The following CHEK2 variants were observed in gnomAD, a reference collection of about 807,000 sequenced individuals.
The protein encoded by CHEK2 is checkpoint kinase 2.
In CHEK2, 71 loss-of-function variants were observed where a neutral mutation model predicts 69.1. That is an observed-to-expected ratio of 1.03 (90% confidence interval 0.85 to 1.25). The LOEUF is 1.25. CHEK2 is among the 50% of genes most tolerant of loss of function. The probability of loss-of-function intolerance (pLI) is 0.00; values close to 1 mark genes in which losing one functional copy is unlikely to be tolerated. For synonymous variants in CHEK2, 189 were observed against 226.9 expected, an observed-to-expected ratio of 0.83 and a Z score of 1.50; for missense variants, 664 against 649.6, an observed-to-expected ratio of 1.02 and a Z score of -0.24.
At chr22:28,693,052 G>C (rs2052425524) in intron 13 of CHEK2, among the ~76,000 whole-genome samples, 1 of 151,934 alleles carries the variant, frequency 6.6e-6, no homozygotes, top group African/African-American at 2.4e-5. Flanking sequence ...CCCAGTCTTG[G>C]GCAGTTCTTT....
chr22:28,696,738 C>G (rs117188004), intron 10 of CHEK2, among the ~76,000 whole-genome samples, 163 bp downstream of exon 10: 3 of 152,102 alleles, frequency 2.0e-5, no homozygotes, highest in Non-Finnish European at 4.4e-5. Context: ...AATGCTCATT[C>G]GAATCTGGAT....
intron 2 of CHEK2, chr22:28,730,375 G>C (rs1172304252): frequency 5.6e-6 from 3 of 532,698 alleles, no homozygotes; most frequent in Admixed American, 5.8e-5. Context: ...AAAAGGAAAA[G>C]GGAAAGAGAA....
intron 5 of CHEK2, among the ~76,000 whole-genome samples, chr22:28,718,682 G>A (rs1206389043): frequency 6.6e-6 from 1 of 152,008 alleles, no homozygotes; most frequent in African/African-American, 2.4e-5. Context: ...AGGAGTTCAA[G>A]ACCAGCCTGG....
At position 28,735,146 on chromosome 22, in the gene CHEK2, T is replaced by G. The variant is rs144110326; in HGVS notation, c.-6-419A>C. Among the ~76,000 whole-genome samples, 1,134 of 152,076 alleles carry G rather than the reference T, an allele frequency of 7.5e-3. 16 individuals are homozygous for G. Among genetic ancestry groups the G allele is most frequent in the African/African-American group, 0.026 (1,094 of 41,502 alleles). ...CAGGGGGCCAGGCGCGGGGGTTCAC[T>G]CCTGTAGTCCCGCACTTTGGGAGGA... On this transcript the variant is annotated intron_variant, in intron 1 of 14. Transcript: ENST00000404276.
intron 7 of CHEK2, among the ~76,000 whole-genome samples, chr22:28,709,641 C>T (rs2053310425): frequency 1.3e-5 from 2 of 151,666 alleles, no homozygotes; most frequent in Non-Finnish European, 2.9e-5. Flanking sequence ...TTTTCTGAGA[C>T]AGTCTCACTC....
At position 28,694,055 on chromosome 22, in the gene CHEK2, C is replaced by T. The variant is rs773600515; in HGVS notation, c.1438G>A (p.Ala480Thr). 6.3e-6 allele frequency: 10 copies of T among 1,595,940 alleles called. No individual in the cohort carries two copies. The East Asian group carries it at 1.8e-4, about 28-fold the overall frequency. The part of the protein sequence containing the change: ...DPKARFTTEE[A>T]LRHPWLQDED... ...ACCTGAAGCCACGGGTGTCTTAAGGCTTCTTCTGTCGTAAAACGTGCCTTT... is the reference window on the plus strand; with the variant it reads ...ACCTGAAGCCACGGGTGTCTTAAGGTTTCTTCTGTCGTAAAACGTGCCTTT... Residue 480 changes from alanine to threonine, a missense_variant, in exon 13 of 15, where the codon GCC (alanine) becomes ACC (threonine). Coordinates refer to ENST00000404276, the MANE Select transcript of CHEK2 (RefSeq NM_007194.4).
chr22:28,739,687 TCAAA>T (rs938100055), intron 1 of CHEK2, among the ~76,000 whole-genome samples: 7 of 151,630 alleles, frequency 4.6e-5, no homozygotes, highest in South Asian at 2.1e-4. Context: ...AGACTCTGTC[TCAAA>T]CAAACAAACA....
intron 7 of CHEK2, among the ~76,000 whole-genome samples, chr22:28,708,421 C>A (rs1241347117): frequency 2.2e-5 from 3 of 138,536 alleles, no homozygotes; most frequent in Non-Finnish European, 4.8e-5. Flanking sequence ...GACTCCAAAT[C>A]TCTTGGAAAA....
intron 8 of CHEK2, among the ~76,000 whole-genome samples, chr22:28,702,405 A>AT (rs921141513): frequency 1.1e-4 from 17 of 149,616 alleles, no homozygotes; most frequent in Non-Finnish European, 2.4e-4. Flanking sequence ...CACCCAGCTA[A>AT]TTTTTTGTAT....
At chr22:28,718,744 C>T (rs536806137) in intron 5 of CHEK2, among the ~76,000 whole-genome samples, 3 of 151,512 alleles carry the variant, frequency 2.0e-5, no homozygotes, top group African/African-American at 4.8e-5. Context: ...TAGCCAGGCA[C>T]GGTGGTTCAA....
intron 8 of CHEK2, among the ~76,000 whole-genome samples, chr22:28,700,806 T>G (rs932561457): frequency 3.3e-5 from 5 of 151,586 alleles, no homozygotes; most frequent in African/African-American, 9.8e-5. Context: ...TTATTTATTT[T>G]GAGACAGAGT....
Position 28,725,328 on chromosome 22 carries a change from C to G in CHEK2, c.359G>C (p.Ser120Thr). The stretch of plus-strand genomic sequence containing the variant: ...TGGTTCATCAAAGCAATATTCACAG[C>G]TTTTGTCCCTCCCAAACCAGTAGTT... ...NDNYWFGRDK[S>T]CEYCFDEPLL... Residue 120 changes from serine to threonine, a missense_variant, in exon 3 of 15, where the codon AGC (serine) becomes ACC (threonine). By Grantham distance (58) the Ser-to-Thr change is moderately conservative. Coordinates refer to ENST00000404276, the MANE Select transcript of CHEK2 (RefSeq NM_007194.4). The G allele has an allele frequency of 6.2e-7, 1 of 1,614,088 alleles. No homozygotes were observed.
chr22:28,729,263 G>T, intron 2 of CHEK2: 1 of 264,960 alleles, frequency 3.8e-6, no homozygotes, highest in Non-Finnish European at 7.6e-6. Context: ...AACCCAGGAC[G>T]CCAGGCGCGG....
chr22:28,709,769 A>G (rs2053314647), intron 7 of CHEK2, among the ~76,000 whole-genome samples: 1 of 152,132 alleles, frequency 6.6e-6, no homozygotes, highest in African/African-American at 2.4e-5. Flanking sequence ...GGCATGTGCC[A>G]CCATGCCCAG....
rs876659987 is a variant in CHEK2, at chr22:28,719,418, G to A, written c.660C>T (p.Tyr220=). The change falls in exon 5 of 15, where the codon TAC becomes TAT. Residue 220 remains tyrosine, a synonymous_variant. Coordinates refer to ENST00000404276, the MANE Select transcript of CHEK2 (RefSeq NM_007194.4). ...SVYPKALRDE[Y]IMSKTLGSGA... Reference sequence around the variant, plus strand: ...ACCTTCCAAGAGTTTTTGACATGATGTATTCATCTCTTAATGCCTTAGGAT... The same window carrying A: ...ACCTTCCAAGAGTTTTTGACATGATATATTCATCTCTTAATGCCTTAGGAT... The A allele has an allele frequency of 2.5e-6, 4 of 1,591,546 alleles. No homozygotes were observed. Among genetic ancestry groups the A allele is most frequent in the Admixed American group, 3.5e-5 (2 of 57,630 alleles).
chr22:28,727,189 G>A (rs543145557), intron 2 of CHEK2, among the ~76,000 whole-genome samples: 2 of 152,140 alleles, frequency 1.3e-5, no homozygotes, highest in East Asian at 3.9e-4. Flanking sequence ...CTACAGGCAC[G>A]TGCCACCATG....
intron 13 of CHEK2, among the ~76,000 whole-genome samples, chr22:28,691,503 A>G (rs1166113473): frequency 6.6e-6 from 1 of 152,166 alleles, no homozygotes; most frequent in Non-Finnish European, 1.5e-5. Flanking sequence ...ATAAATAAAC[A>G]TTGATTTTCT....
At chr22:28,694,160 T>C (rs749198349) in intron 12 of CHEK2, 43 bp from the exon 13 acceptor site, 4 of 1,290,852 alleles carry the variant, frequency 3.1e-6, no homozygotes, top group African/African-American at 1.5e-5. Flanking sequence ...AGGATAAATA[T>C]ATTATCAGTA....
intron 2 of CHEK2, among the ~76,000 whole-genome samples, chr22:28,733,979 T>C (rs1369885728): frequency 6.6e-6 from 1 of 151,880 alleles, no homozygotes; most frequent in African/African-American, 2.4e-5. Flanking sequence ...ATTTGCACTC[T>C]GGCCTATGAT....
Sources: allele counts gnomAD v4.1 joint callset (sites outside exome capture counted in the v4.1 genomes callset), GRCh38; gene constraint gnomAD v4.1.1; transcripts MANE v1.5; gene names NCBI Gene and HGNC (gene_info 2026-07-23, HGNC 2026-07-21).